PPP3R1: variants seen among roughly 807,000 people sequenced by gnomAD.
PPP3R1 encodes calcineurin subunit B type 1.
In PPP3R1, 5 loss-of-function variants were observed where a neutral mutation model predicts 22.6. That is an observed-to-expected ratio of 0.22 (90% CI 0.12 to 0.46). The LOEUF (loss-of-function observed/expected upper bound fraction) is 0.46, where lower values mean the gene tolerates loss of function less well. Among genes scored for constraint, PPP3R1 ranks in the 20% least tolerant of loss-of-function variants. The pLI, the probability that PPP3R1 is intolerant of heterozygous loss-of-function variation, is 0.99. For synonymous variants in PPP3R1, 56 were observed against 65.2 expected (o/e 0.86, Z 0.68); for missense variants, 61 against 203.2 (o/e 0.30, Z 4.25).
intron 1 of PPP3R1, among the ~76,000 whole-genome samples, chr2:68,217,580 A>T (rs1257795733): frequency 6.6e-6 from 1 of 152,118 alleles, no homozygotes; most frequent in African/African-American, 2.4e-5. Context: ...AAAAAACAGA[A>T]ACCTGCTACC....
intron 1 of PPP3R1, among the ~76,000 whole-genome samples, chr2:68,246,168 G>A (rs978060230): frequency 2.8e-4 from 41 of 147,100 alleles, no homozygotes; most frequent in African/African-American, 9.8e-4. Context: ...TCCGCCTCCC[G>A]GGTTCAAGTG....
intron 2 of PPP3R1, among the ~76,000 whole-genome samples, chr2:68,198,571 G>T (rs1674887029): frequency 3.3e-5 from 5 of 151,614 alleles, no homozygotes; most frequent in Admixed American, 2.0e-4. Context: ...TCTACCTTAT[G>T]CCAGTACCAC....
intron 1 of PPP3R1, among the ~76,000 whole-genome samples, chr2:68,246,642 T>C (rs1222509485): frequency 6.6e-6 from 1 of 152,186 alleles, no homozygotes; most frequent in Non-Finnish European, 1.5e-5. Context: ...CTCCCTTCAA[T>C]CTGGCATCAT....
intron 2 of PPP3R1, among the ~76,000 whole-genome samples, chr2:68,191,301 T>C (rs1572953053): frequency 6.6e-6 from 1 of 152,338 alleles, no homozygotes; most frequent in South Asian, 2.1e-4. Flanking sequence ...CTACAAAATC[T>C]GTACAGCATC....
chr2:68,206,053 G>A (rs1374010392), intron 2 of PPP3R1, among the ~76,000 whole-genome samples: 1 of 152,050 alleles, frequency 6.6e-6, no homozygotes, highest in Non-Finnish European at 1.5e-5. Flanking sequence ...CCGGACCTCA[G>A]GTGATCCGCC....
At chr2:68,242,637 T>C (rs1670157592) in intron 1 of PPP3R1, among the ~76,000 whole-genome samples, 1 of 152,178 alleles carries the variant, frequency 6.6e-6, no homozygotes, top group Non-Finnish European at 1.5e-5. Context: ...CATGAACAAA[T>C]ATGTAAGTAC....
intron 1 of PPP3R1, among the ~76,000 whole-genome samples, chr2:68,247,482 T>C (rs759407559): frequency 1.3e-5 from 2 of 152,214 alleles, no homozygotes; most frequent in Non-Finnish European, 2.9e-5. Flanking sequence ...GGCCATGACA[T>C]GTATGTAGCA....
chr2:68,238,169 T>C (rs1040620211), intron 1 of PPP3R1, among the ~76,000 whole-genome samples: 12 of 151,940 alleles, frequency 7.9e-5, no homozygotes, highest in African/African-American at 2.7e-4. Context: ...ATTGCACCTC[T>C]GCATTAAGTG....
chr2:68,211,727 T>C (rs1305443882), intron 2 of PPP3R1, among the ~76,000 whole-genome samples: 1 of 152,228 alleles, frequency 6.6e-6, no homozygotes, highest in Non-Finnish European at 1.5e-5. Flanking sequence ...TATGGAATAT[T>C]CTAAATTCTT....
At chr2:68,244,466 A>AG (rs1670195639) in intron 1 of PPP3R1, among the ~76,000 whole-genome samples, 1 of 152,212 alleles carries the variant, frequency 6.6e-6, no homozygotes, top group Non-Finnish European at 1.5e-5. Context: ...ATCCTGAGAT[A>AG]CTAAGATGAT....
chr2:68,204,790 T>C (rs535846396), intron 2 of PPP3R1, among the ~76,000 whole-genome samples: 10 of 152,350 alleles, frequency 6.6e-5, no homozygotes, highest in Admixed American at 1.3e-4. Flanking sequence ...TTTAAAATTA[T>C]CCAACGAGTT....
intron 2 of PPP3R1, among the ~76,000 whole-genome samples, chr2:68,212,144 G>C (rs1425201466): frequency 6.6e-6 from 1 of 152,106 alleles, no homozygotes; most frequent in East Asian, 1.9e-4. Flanking sequence ...GCAGTAGTGT[G>C]ATCTCTGCTC....
intron 1 of PPP3R1, among the ~76,000 whole-genome samples, chr2:68,238,324 C>T (rs2103804292): frequency 6.6e-6 from 1 of 152,226 alleles, no homozygotes; most frequent in South Asian, 2.1e-4. Context: ...TTACAAATGG[C>T]CATTAACTGC....
intron 1 of PPP3R1, among the ~76,000 whole-genome samples, chr2:68,232,537 A>C (rs1013840002): frequency 6.6e-6 from 1 of 152,028 alleles, no homozygotes; most frequent in South Asian, 2.1e-4. Flanking sequence ...AAACTCATAC[A>C]GCAACAGAAC....
At chr2:68,221,573 C>T (rs568696852) in intron 1 of PPP3R1, among the ~76,000 whole-genome samples, 46 of 152,116 alleles carry the variant, frequency 3.0e-4, no homozygotes, top group Non-Finnish European at 5.9e-5. Flanking sequence ...ATCAATAAAA[C>T]GTTTTATATG....
Position 68,180,487 on chromosome 2 carries a change from CTATA to C in PPP3R1, c.*472_*475del, listed in dbSNP as rs916241199. On this transcript the variant is annotated 3_prime_UTR_variant, in exon 6 of 6. Transcript: ENST00000234310. ...CGGCTCAAATTGTACAGTCTTCTAT[CTATA>C]TATAAAACTGTGTGAAATAAAAGTA... 1 of 152,652 alleles carries C rather than the reference CTATA, an allele frequency of 6.6e-6. No homozygotes were observed. Among genetic ancestry groups the C allele is most frequent in the African/African-American group, 2.4e-5 (1 of 41,432 alleles). 9.5% of individuals were successfully genotyped at this position (152,652 alleles called of 1,614,324 possible). A position where few individuals can be genotyped will look rare whatever the true frequency, so the allele number is the denominator to read the frequency against.
rs1028869765 is a variant in PPP3R1, at chr2:68,187,685, C to G, written c.221-371G>C. Among the ~76,000 whole-genome samples, 10 of 152,102 alleles carry G rather than the reference C, an allele frequency of 6.6e-5. No individual in the cohort carries two copies. The East Asian group carries it at 1.9e-3, about 29-fold the overall frequency. ...TCTGACACACACAAAAAACTTTAGCCTTCTGTTTCAAAATTGTGAATCAAA... is the reference window on the plus strand; with the variant it reads ...TCTGACACACACAAAAAACTTTAGCGTTCTGTTTCAAAATTGTGAATCAAA... On this transcript the variant is annotated intron_variant, in intron 3 of 5. Coordinates refer to ENST00000234310, the MANE Select transcript of PPP3R1 (RefSeq NM_000945.4).
At chr2:68,198,324 CAT>C (rs1674862230) in intron 2 of PPP3R1, among the ~76,000 whole-genome samples, 1 of 96,140 alleles carries the variant, frequency 1.0e-5, no homozygotes, top group Non-Finnish European at 2.0e-5. Context: ...TATGTATATA[CAT>C]ATGTACATAT....
intron 2 of PPP3R1, among the ~76,000 whole-genome samples, chr2:68,208,286 T>C (rs749997131): frequency 1.3e-5 from 2 of 152,194 alleles, no homozygotes; most frequent in African/African-American, 2.4e-5. Context: ...ATGACTCAAA[T>C]AATAGTTCTC....
Sources: allele counts gnomAD v4.1 joint callset (sites outside exome capture counted in the v4.1 genomes callset), GRCh38; gene constraint gnomAD v4.1.1; transcripts MANE v1.5; gene names NCBI Gene and HGNC (gene_info 2026-07-23, HGNC 2026-07-21).